Variants in SCN11A observed in about 807,000 individuals in gnomAD.
SCN11A encodes sodium voltage-gated channel alpha subunit 11.
A neutral mutation model predicts 162.2 loss-of-function variants in SCN11A; 122 were observed. That is an observed-to-expected ratio of 0.75 (90% CI 0.65 to 0.87). SCN11A has a LOEUF of 0.87. Ranked by LOEUF, SCN11A falls within the 40% of genes least tolerant of loss-of-function variation. The probability of loss-of-function intolerance (pLI) is 0.00; values close to 1 mark genes in which losing one functional copy is unlikely to be tolerated. For synonymous variants in SCN11A, 758 were observed against 751.5 expected (o/e 1.01, Z -0.14); for missense variants, 2,015 against 2,181.6 (o/e 0.92, Z 1.52).
intron 19 of SCN11A, among the ~76,000 whole-genome samples, chr3:38,892,134 A>G (rs1183719381): frequency 1.3e-5 from 2 of 152,234 alleles, no homozygotes; most frequent in Admixed American, 6.5e-5. Context: ...TGATATATTC[A>G]AAGTGCTGAA....
rs561605090 is a variant in SCN11A at position 38,886,868 on chromosome 3, T to C, written c.2836-630A>G. On this transcript the variant is annotated intron_variant, in intron 19 of 29. Coordinates refer to ENST00000302328, the MANE Select transcript of SCN11A (RefSeq NM_001349253.2). ...TATCTAATAAGGATGTGTACAGTCA[T>C]GTAACCAAGCAGCTTGGCAGCTGAG... 5.3e-5 allele frequency among the ~76,000 whole-genome samples: 8 copies of C among 152,314 alleles called. No individual in the cohort carries two copies. The South Asian group carries it at 1.7e-3, about 32-fold the overall frequency.
At chr3:38,931,671 C>T (rs377500395) in intron 7 of SCN11A, among the ~76,000 whole-genome samples, 2 of 152,204 alleles carry the variant, frequency 1.3e-5, no homozygotes, top group Non-Finnish European at 2.9e-5. Flanking sequence ...TAGTCCCTTT[C>T]CTGATGATGT....
chr3:38,876,406 G>C (rs536792705), intron 23 of SCN11A, among the ~76,000 whole-genome samples: 1 of 152,168 alleles, frequency 6.6e-6, no homozygotes, highest in Admixed American at 6.5e-5. Context: ...GAAACAATCA[G>C]CACAGTAAAC....
At chr3:38,989,730 G>C (rs2030389684) in intron 2 of SCN11A, among the ~76,000 whole-genome samples, 1 of 152,206 alleles carries the variant, frequency 6.6e-6, no homozygotes, top group Admixed American at 6.5e-5. Flanking sequence ...GGGAATTAGT[G>C]AGTAATTCCA....
At chr3:38,880,266 G>A in intron 22 of SCN11A, 143 bp from the exon 23 acceptor site, 1 of 596,132 alleles carries the variant, frequency 1.7e-6, no homozygotes, top group Non-Finnish European at 2.9e-6. Context: ...AGATATTAAG[G>A]CTAAACTTTT....
intron 4 of SCN11A, 194 bp from the exon 5 acceptor site, chr3:38,950,563 C>A (rs1575329406): frequency 3.4e-6 from 2 of 591,528 alleles, no homozygotes; most frequent in Non-Finnish European, 5.9e-6. Flanking sequence ...ATAGCAGGAA[C>A]TTTTGGCATA....
chr3:38,881,920 G>A (rs938028126), intron 22 of SCN11A, among the ~76,000 whole-genome samples: 1 of 152,084 alleles, frequency 6.6e-6, no homozygotes, highest in African/African-American at 2.4e-5. Context: ...TGGCACCATG[G>A]GGCATTTTTG....
At chr3:39,001,738 C>A (rs560001455) in intron 2 of SCN11A, among the ~76,000 whole-genome samples, 4 of 146,010 alleles carry the variant, frequency 2.7e-5, no homozygotes, top group Non-Finnish European at 1.5e-5. Context: ...AACAAACAAA[C>A]AAAACACTAT....
At chr3:38,934,539 C>A (rs1204608207) in intron 7 of SCN11A, among the ~76,000 whole-genome samples, 2 of 151,952 alleles carry the variant, frequency 1.3e-5, no homozygotes, top group African/African-American at 4.8e-5. Context: ...GAAGATCTAC[C>A]AAGCAAATGG....
intron 2 of SCN11A, among the ~76,000 whole-genome samples, chr3:38,969,307 C>T (rs2066802789): frequency 6.6e-6 from 1 of 152,186 alleles, no homozygotes; most frequent in Admixed American, 6.5e-5. Flanking sequence ...TCTCAATTTA[C>T]CCTGGCTTCA....
At chr3:38,861,985 A>G (rs1341325312) in intron 28 of SCN11A, among the ~76,000 whole-genome samples, 1 of 152,194 alleles carries the variant, frequency 6.6e-6, no homozygotes, top group East Asian at 1.9e-4. Context: ...TTCACAAACT[A>G]TGCATCTGAC....
chr3:38,896,763 T>C (rs1208023404), intron 18 of SCN11A, 82 bp downstream of exon 18: 25 of 1,127,918 alleles, frequency 2.2e-5, no homozygotes, highest in Admixed American at 5.7e-5. Context: ...TTTTTACTAG[T>C]AAAGTTTTGC....
intron 15 of SCN11A, 41 bp downstream of exon 15, chr3:38,905,151 A>G (rs750635809): frequency 6.2e-7 from 1 of 1,612,874 alleles, no homozygotes; most frequent in Non-Finnish European, 8.5e-7. Context: ...GAAGGACATC[A>G]CTGAAGTAGA....
In SCN11A at chr3:39,021,392, G is replaced by C. The variant is rs115689950; in HGVS notation, c.-280+10988C>G. Among the ~76,000 whole-genome samples, 1,006 of 152,246 alleles carry C rather than the reference G, an allele frequency of 6.6e-3. 8 individuals are homozygous for C. Among genetic ancestry groups the C allele is most frequent in the Non-Finnish European group, 0.01 (713 of 68,016 alleles). Reference sequence around the variant, plus strand: ...GTGCTGGAGCTGTATTAGCCTAATGGCCTCCCTATTAATGATTTTGACAGC... The same window carrying C: ...GTGCTGGAGCTGTATTAGCCTAATGCCCTCCCTATTAATGATTTTGACAGC... On this transcript the variant is annotated intron_variant, in intron 2 of 29. Transcript: ENST00000302328.
intron 7 of SCN11A, among the ~76,000 whole-genome samples, chr3:38,932,998 C>T (rs1373573633): frequency 6.6e-6 from 1 of 152,234 alleles, no homozygotes. Flanking sequence ...TGACACCTCA[C>T]ACGGCCGGGT....
At position 38,867,697 on chromosome 3, in the gene SCN11A, A is replaced by T. The variant is rs79691814; in HGVS notation, c.3814-239T>A. Among the ~76,000 whole-genome samples, 386 of 152,226 alleles carry T rather than the reference A, an allele frequency of 2.5e-3. 2 individuals carry two copies. The highest frequency in any genetic ancestry group is 9.0e-3 in the African/African-American group (372 of 41,536). ...AAAATCGGGCTTTTTATTCTAAGCAAAGGAGAATCATTGAGGGACTGTAAG... is the reference window on the plus strand; with the variant it reads ...AAAATCGGGCTTTTTATTCTAAGCATAGGAGAATCATTGAGGGACTGTAAG... On this transcript the variant is annotated intron_variant, in intron 26 of 29. Transcript: ENST00000302328.
At chr3:38,899,108 G>GA (rs201329079) in intron 17 of SCN11A, among the ~76,000 whole-genome samples, 50 of 150,228 alleles carry the variant, frequency 3.3e-4, no homozygotes, top group East Asian at 2.3e-3. Context: ...AATCCTATCT[G>GA]AAAAAAAAAG....
chr3:39,050,172 C>T (rs2032292284), intron 1 of SCN11A, among the ~76,000 whole-genome samples: 5 of 152,174 alleles, frequency 3.3e-5, no homozygotes. Flanking sequence ...ATACTCCTTT[C>T]ACTTCTCTGT....
intron 2 of SCN11A, among the ~76,000 whole-genome samples, chr3:38,962,369 T>A (rs1242671769): frequency 6.6e-6 from 1 of 152,176 alleles, no homozygotes; most frequent in African/African-American, 2.4e-5. Context: ...TGGATCCATA[T>A]GGATTTTAGA....
Sources: gnomAD v4.1 joint callset for allele counts (sites outside exome capture counted in the v4.1 genomes callset) on GRCh38, gnomAD v4.1.1 for gene constraint, MANE v1.5 for transcripts, NCBI Gene and HGNC (gene_info 2026-07-23, HGNC 2026-07-21) for gene names.